The following LINGO2 variants were observed in gnomAD, a reference collection of about 807,000 sequenced individuals.
The protein encoded by LINGO2 is leucine rich repeat and Ig domain containing 2.
Under a neutral mutation model 30.6 loss-of-function variants are expected in LINGO2, and 14 were observed. The ratio of observed to expected loss-of-function variants is 0.46; its 90% CI spans 0.30 to 0.72. The LOEUF (loss-of-function observed/expected upper bound fraction) is 0.72. Ranked by LOEUF, LINGO2 falls within the 30% of genes least tolerant of loss-of-function variation. The pLI is 0.07. For synonymous variants in LINGO2, 317 were observed against 288.5 expected (o/e 1.10, Z -1.00); for missense variants, 729 against 751.7 (o/e 0.97, Z 0.35).
intron 5 of LINGO2, among the ~76,000 whole-genome samples, chr9:27,965,298 T>G (rs1820045243): frequency 6.6e-6 from 1 of 152,066 alleles, no homozygotes; most frequent in African/African-American, 2.4e-5. Context: ...CAGGTTTTTT[T>G]GAGCTCTTAA....
At chr9:28,443,181 G>A (rs375899001) in intron 2 of LINGO2, among the ~76,000 whole-genome samples, 10 of 152,180 alleles carry the variant, frequency 6.6e-5, no homozygotes, top group East Asian at 1.9e-4. Flanking sequence ...GCCTATTGCC[G>A]TGCTTGTTAA....
intron 4 of LINGO2, among the ~76,000 whole-genome samples, chr9:28,125,480 G>A (rs1036916318): frequency 1.3e-5 from 2 of 152,188 alleles, no homozygotes; most frequent in Admixed American, 6.6e-5. Flanking sequence ...TGGACATAAA[G>A]TATGGTAGAA....
At chr9:28,494,030 T>A (rs1315145023) in intron 1 of LINGO2, among the ~76,000 whole-genome samples, 1 of 152,122 alleles carries the variant, frequency 6.6e-6, no homozygotes, top group Admixed American at 6.5e-5. Flanking sequence ...TATATATACA[T>A]CTATGCTATT....
the LINGO2 span, among the ~76,000 whole-genome samples, chr9:29,003,363 G>C: frequency 6.6e-6 from 1 of 151,908 alleles, no homozygotes; most frequent in Non-Finnish European, 1.5e-5. Flanking sequence ...AGTATGTGTG[G>C]GAAAGTTAGG....
At chr9:28,902,500 A>C in the LINGO2 span, among the ~76,000 whole-genome samples, 1 of 152,176 alleles carries the variant, frequency 6.6e-6, no homozygotes, top group Non-Finnish European at 1.5e-5. Flanking sequence ...TCAATAAGGA[A>C]ACATCAGGCT....
the LINGO2 span, among the ~76,000 whole-genome samples, chr9:29,198,868 T>C: frequency 6.6e-6 from 1 of 151,978 alleles, no homozygotes; most frequent in Non-Finnish European, 1.5e-5. Flanking sequence ...GGGGGAGAAA[T>C]ATTACGCATG....
chr9:28,732,759 T>C, the LINGO2 span, among the ~76,000 whole-genome samples: 86 of 152,350 alleles, frequency 5.6e-4, 1 homozygote, highest in East Asian at 0.015. Flanking sequence ...GTTCTCGATA[T>C]AATTGATTCC....
intron 1 of LINGO2, among the ~76,000 whole-genome samples, chr9:28,569,169 A>T (rs1823546810): frequency 6.6e-6 from 1 of 152,006 alleles, no homozygotes; most frequent in Non-Finnish European, 1.5e-5. Flanking sequence ...TGAAAAAGTA[A>T]ACTTTGTACA....
the LINGO2 span, among the ~76,000 whole-genome samples, chr9:28,997,587 G>GC: frequency 6.6e-6 from 1 of 152,132 alleles, no homozygotes; most frequent in Non-Finnish European, 1.5e-5. Flanking sequence ...ACTTTGGGAG[G>GC]CCAAGGCTGG....
chr9:28,903,388 C>T, the LINGO2 span, among the ~76,000 whole-genome samples: 1 of 152,156 alleles, frequency 6.6e-6, no homozygotes, highest in African/African-American at 2.4e-5. Flanking sequence ...AATACAAAGT[C>T]TTCCATCATA....
intron 1 of LINGO2, among the ~76,000 whole-genome samples, chr9:28,492,659 T>G (rs948820674): frequency 1.3e-5 from 2 of 152,074 alleles, no homozygotes; most frequent in African/African-American, 4.8e-5. Flanking sequence ...AGAAGATGCA[T>G]TGAAAGGTTT....
At chr9:28,893,888 C>T in the LINGO2 span, among the ~76,000 whole-genome samples, 2 of 151,844 alleles carry the variant, frequency 1.3e-5, no homozygotes, top group South Asian at 2.1e-4. Context: ...TCTCCTAATG[C>T]TATCCCTCCC....
chr9:28,561,749 G>GTGTGTATATATATATA lies in LINGO2; in HGVS notation c.-364-85725_-364-85724insTATATATATATACACA, dbSNP rs772157537. ...TATATATAATTTTGTGTGTGTGTGT[G>GTGTGTATATATATATA]TATATATATATATATATATATATAT... On this transcript the variant is annotated intron_variant, in intron 1 of 5. Transcript: ENST00000379992. Among the ~76,000 whole-genome samples the GTGTGTATATATATATA allele has an allele frequency of 1.5e-3, 71 of 48,716 alleles. 12 individuals carry two copies. The highest frequency in any genetic ancestry group is 0.013 in the Middle Eastern group (1 of 78). 32.0% of individuals were successfully genotyped at this position (48,716 alleles called of 152,430 possible). A position where few individuals can be genotyped will look rare whatever the true frequency, so the allele number is the denominator to read the frequency against.
At chr9:29,074,751 T>C in the LINGO2 span, among the ~76,000 whole-genome samples, 1 of 140,982 alleles carries the variant, frequency 7.1e-6, no homozygotes, top group Non-Finnish European at 1.5e-5. Context: ...AGTGGCGCAA[T>C]CTCAGCTCAC....
intron 3 of LINGO2, among the ~76,000 whole-genome samples, chr9:28,305,874 A>G (rs918950227): frequency 6.6e-6 from 1 of 151,980 alleles, no homozygotes; most frequent in Non-Finnish European, 1.5e-5. Flanking sequence ...CAGCCACACT[A>G]TATTTACATT....
chr9:28,348,194 C>T (rs534625004), intron 3 of LINGO2, among the ~76,000 whole-genome samples: 17 of 152,022 alleles, frequency 1.1e-4, no homozygotes, highest in East Asian at 5.8e-4. Flanking sequence ...CCAGCGTGAG[C>T]GACGCAGAAG....
intron 1 of LINGO2, among the ~76,000 whole-genome samples, chr9:28,622,525 C>T (rs1443980498): frequency 6.6e-6 from 1 of 151,798 alleles, no homozygotes; most frequent in African/African-American, 2.4e-5. Flanking sequence ...AAGACTGGAT[C>T]TCATTATTTA....
intron 5 of LINGO2, among the ~76,000 whole-genome samples, chr9:27,992,197 C>A (rs994194023): frequency 1.4e-5 from 2 of 141,472 alleles, no homozygotes; most frequent in Non-Finnish European, 3.0e-5. Flanking sequence ...TAACCTGTCA[C>A]TGACATATAT....
intron 2 of LINGO2, among the ~76,000 whole-genome samples, chr9:28,397,186 A>G (rs1822080892): frequency 6.6e-6 from 1 of 152,004 alleles, no homozygotes; most frequent in Admixed American, 6.6e-5. Context: ...TAATATGTAT[A>G]ACTCCTACTA....
Sources: gnomAD v4.1 joint callset for allele counts (sites outside exome capture counted in the v4.1 genomes callset) on GRCh38, gnomAD v4.1.1 for gene constraint, MANE v1.5 for transcripts, NCBI Gene and HGNC (gene_info 2026-07-23, HGNC 2026-07-21) for gene names.